GASK1B: variants seen among roughly 807,000 people sequenced by gnomAD.
GASK1B encodes Golgi-associated kinase 1B.
GASK1B carries 34 observed loss-of-function variants against 42.8 expected under a neutral mutation model. That is an observed-to-expected ratio of 0.79 (90% confidence interval 0.60 to 1.06). The LOEUF (loss-of-function observed/expected upper bound fraction) is 1.06. Among genes scored for constraint, GASK1B ranks in the 50% least tolerant of loss-of-function variants. The pLI, the probability that GASK1B is intolerant of heterozygous loss-of-function variation, is 0.00. For missense variants in GASK1B, 686 were observed against 661.0 expected (o/e 1.04, Z -0.42); for synonymous variants, 262 against 259.1 (o/e 1.01, Z -0.11).
chr4:158,133,367 A>G (rs956789534), intron 3 of GASK1B, among the ~76,000 whole-genome samples: 6 of 152,202 alleles, frequency 3.9e-5, no homozygotes, highest in African/African-American at 1.4e-4. Flanking sequence ...TGTGTTTTGA[A>G]TATAACCCGT....
At chr4:158,135,589 CTTAA>C (rs1730858089) in intron 3 of GASK1B, among the ~76,000 whole-genome samples, 2 of 151,582 alleles carry the variant, frequency 1.3e-5, no homozygotes, top group African/African-American at 4.9e-5. Context: ...CCTCTCAACT[CTTAA>C]ATGACACAAC....
chr4:158,135,626 T>C (rs1409123021), intron 3 of GASK1B, among the ~76,000 whole-genome samples: 1 of 151,730 alleles, frequency 6.6e-6, no homozygotes, highest in African/African-American at 2.4e-5. Context: ...TCCAGGTATC[T>C]ACAGCTTTAA....
rs768860871 is a variant in GASK1B, at chr4:158,171,182, G to T, written c.194C>A (p.Ala65Glu). The change falls in exon 2 of 5, where the codon GCG becomes GAG. Residue 65 changes from alanine (A) to glutamate (E), a missense_variant. By Grantham distance (107) the Ala-to-Glu change is moderately radical. Transcript: ENST00000585682. ...VGRASLQHGQ[A>E]AEKGPHRSRD... is the part of the protein sequence containing the mutation. Reference sequence around the variant, plus strand: ...GCTGCGATGTGGCCCCTTCTCAGCCGCCTGTCCATGCTGGAGAGAGGCCCT... The same window carrying T: ...GCTGCGATGTGGCCCCTTCTCAGCCTCCTGTCCATGCTGGAGAGAGGCCCT... The T allele has an allele frequency of 7.4e-6, 12 of 1,612,364 alleles. No individual in the cohort carries two copies. The East Asian group carries it at 1.3e-4, about 18-fold the overall frequency.
At chr4:158,158,819 T>A (rs974685477) in intron 2 of GASK1B, among the ~76,000 whole-genome samples, 5 of 152,098 alleles carry the variant, frequency 3.3e-5, no homozygotes, top group African/African-American at 1.2e-4. Context: ...GTCTCAAGGG[T>A]TATAGCAATA....
intron 3 of GASK1B, among the ~76,000 whole-genome samples, chr4:158,139,167 T>C (rs1417526131): frequency 6.6e-6 from 1 of 152,228 alleles, no homozygotes; most frequent in Non-Finnish European, 1.5e-5. Context: ...AACATCCGCC[T>C]GCCTACCACG....
intron 3 of GASK1B, among the ~76,000 whole-genome samples, chr4:158,149,152 C>G (rs1459642861): frequency 6.6e-6 from 1 of 152,150 alleles, no homozygotes; most frequent in East Asian, 1.9e-4. Context: ...AACTCTTCCT[C>G]CACTATTTTA....
At chr4:158,170,196 G>A (rs779597366) in intron 2 of GASK1B, 6 of 1,591,560 alleles carry the variant, frequency 3.8e-6, no homozygotes, top group Non-Finnish European at 5.2e-6. Flanking sequence ...TAAGCCACTG[G>A]GAAGTGAAGC....
rs200440511 is a variant in GASK1B at position 158,130,741 on chromosome 4, T to C, written c.1352+45A>G. On this transcript the variant is annotated intron_variant, in intron 4 of 4. Coordinates refer to ENST00000585682, the MANE Select transcript of GASK1B (RefSeq NM_001128424.2). ...AGTTTTCTCAGAACCTTGCTACTTA[T>C]CTAACATAAATGTGATGTCCTGCAG... 6 of 1,412,240 alleles carry C rather than the reference T, an allele frequency of 4.2e-6. No homozygotes were observed. The East Asian group carries it at 1.4e-4, about 32-fold the overall frequency. The allele number at this position is 1,412,240 out of a possible 1,614,324, so 87.5% of individuals were successfully genotyped here.
chr4:158,137,179 G>A (rs910548489), intron 3 of GASK1B, among the ~76,000 whole-genome samples: 1 of 152,068 alleles, frequency 6.6e-6, no homozygotes, highest in Non-Finnish European at 1.5e-5. Context: ...CATGGATAAC[G>A]AATTCTCATA....
At position 158,170,952 on chromosome 4, in the gene GASK1B, G is replaced by T; in HGVS notation, c.424C>A (p.Gln142Lys). ...KHAVASAAPG[Q>K]EALVGPSLQP... is the part of the protein sequence containing the mutation. The stretch of plus-strand genomic sequence containing the variant: ...AGGGATGGTCCGACCAAAGCCTCCT[G>T]CCCTGGGGCAGCCGATGCCACTGCA... Residue 142 changes from glutamine (Q) to lysine (K), a missense_variant, in exon 2 of 5, where the codon CAG (glutamine) becomes AAG (lysine). Gln to Lys is a moderately conservative substitution (Grantham distance 53). Transcript: ENST00000585682. 1 of 1,614,236 alleles carries T rather than the reference G, an allele frequency of 6.2e-7. No individual in the cohort carries two copies. The highest frequency in any genetic ancestry group is 8.5e-7 in the Non-Finnish European group (1 of 1,180,042).
chr4:158,150,015 C>T (rs1731494568), intron 3 of GASK1B, among the ~76,000 whole-genome samples: 1 of 141,658 alleles, frequency 7.1e-6, no homozygotes, highest in South Asian at 2.3e-4. Context: ...AGCTCCGCCT[C>T]CCCAGGTTCA....
At chr4:158,155,858 C>A (rs765886951) in intron 2 of GASK1B, 33 bp from the exon 3 acceptor site, 20 of 1,587,268 alleles carry the variant, frequency 1.3e-5, no homozygotes, top group Non-Finnish European at 1.6e-5. Context: ...ACACTTTCAG[C>A]ACACTATTGA....
chr4:158,127,617 G>C lies in GASK1B; in HGVS notation c.1353-3C>G. ...CAGAAACTGCAGAAGCTGGAAACCT[G>C]AAAAGATAAAATGATATTTCAATCT... On this transcript the variant is annotated splice_region_variant and splice_polypyrimidine_tract_variant and intron_variant, in intron 4 of 4. Coordinates refer to ENST00000585682, the MANE Select transcript of GASK1B (RefSeq NM_001128424.2). 2 of 1,611,180 alleles carry C rather than the reference G, an allele frequency of 1.2e-6. No homozygotes were observed. Among genetic ancestry groups the C allele is most frequent in the South Asian group, 1.1e-5 (1 of 90,820 alleles).
At chr4:158,152,381 C>T (rs1392871545) in intron 3 of GASK1B, among the ~76,000 whole-genome samples, 1 of 152,082 alleles carries the variant, frequency 6.6e-6, no homozygotes, top group Non-Finnish European at 1.5e-5. Context: ...AGTCCAGAAC[C>T]AGATGGATTC....
At chr4:158,134,064 G>A (rs1021624198) in intron 3 of GASK1B, among the ~76,000 whole-genome samples, 9 of 152,122 alleles carry the variant, frequency 5.9e-5, no homozygotes, top group African/African-American at 1.2e-4. Flanking sequence ...AAGGGCTTAC[G>A]TACCTCTTAA....
intron 2 of GASK1B, among the ~76,000 whole-genome samples, chr4:158,159,349 T>C (rs1378933097): frequency 6.6e-6 from 1 of 152,096 alleles, no homozygotes; most frequent in Non-Finnish European, 1.5e-5. Context: ...CAGGTAATAA[T>C]AGCAGTCAGC....
chr4:158,153,326 C>T (rs1731629566), intron 3 of GASK1B, among the ~76,000 whole-genome samples: 1 of 152,140 alleles, frequency 6.6e-6, no homozygotes, highest in Non-Finnish European at 1.5e-5. Flanking sequence ...AGGAAAACTA[C>T]AAAACACTGC....
At chr4:158,147,715 C>T (rs955452075) in intron 3 of GASK1B, among the ~76,000 whole-genome samples, 13 of 151,722 alleles carry the variant, frequency 8.6e-5, no homozygotes, top group African/African-American at 2.7e-4. Context: ...AAGTAAAACT[C>T]CTCTGGAGTA....
intron 3 of GASK1B, among the ~76,000 whole-genome samples, chr4:158,154,868 G>A (rs1731698853): frequency 6.6e-6 from 1 of 152,100 alleles, no homozygotes; most frequent in Non-Finnish European, 1.5e-5. Flanking sequence ...AAGAATGGGA[G>A]GAGAGTGAGG....
Sources: allele counts gnomAD v4.1 joint callset (sites outside exome capture counted in the v4.1 genomes callset), GRCh38; gene constraint gnomAD v4.1.1; transcripts MANE v1.5; gene names NCBI Gene and HGNC (gene_info 2026-07-23, HGNC 2026-07-21).